Variants in WFIKKN1 observed in about 807,000 individuals in gnomAD.
The protein encoded by WFIKKN1 is WAP, Kazal, immunoglobulin, Kunitz and NTR domain-containing protein 1.
Under a neutral mutation model 4.6 loss-of-function variants are expected in WFIKKN1, and 6 were observed. The ratio of observed to expected loss-of-function variants is 1.31; its 90% CI spans 0.72 to 2.59. WFIKKN1 has a LOEUF of 2.59. Ranked by LOEUF, WFIKKN1 falls within the 30% of genes most tolerant of loss-of-function variation. The pLI is 0.00. For synonymous variants in WFIKKN1, 468 were observed against 367.4 expected (o/e 1.27, Z -3.13); for missense variants, 964 against 818.0 (o/e 1.18, Z -2.18).
chr16:631,575 C>T, intron 1 of WFIKKN1, 151 bp downstream of exon 1: 2 of 951,370 alleles, frequency 2.1e-6, no homozygotes, highest in South Asian at 2.0e-5. Context: ...CCCATCGTTG[C>T]CCTCATTTGT....
In WFIKKN1 at chr16:633,368, G is replaced by A; in HGVS notation, c.958G>A (p.Asp320Asn). ...CCCACACCTTGTCCTCTGGCACTAC[G>A]ACCCGCAGCGGGGCGGCTGCATGAC... ...TSPHLVLWHY[D>N]PQRGGCMTFP... The change falls in exon 2 of 2, where the codon GAC becomes AAC. Residue 320 changes from aspartate to asparagine, a missense_variant. Asp to Asn is a conservative substitution (Grantham distance 23). Coordinates refer to ENST00000319070, the MANE Select transcript of WFIKKN1 (RefSeq NM_053284.3). 6.4e-6 allele frequency: 10 copies of A among 1,570,176 alleles called. No homozygotes were observed. The highest frequency in any genetic ancestry group is 7.7e-6 in the Non-Finnish European group (9 of 1,165,142).
chr16:633,841 C>T lies in WFIKKN1; in HGVS notation c.1431C>T (p.Tyr477=), dbSNP rs1383523969. The part of the protein sequence containing the change: ...KMGLKFLGTK[Y]LEVTLSGMDW... The stretch of plus-strand genomic sequence containing the variant: ...GCCTCAAGTTCTTGGGCACCAAGTA[C>T]CTGGAGGTGACGCTGAGTGGCATGG... Residue 477 remains tyrosine (Y), a synonymous_variant, in exon 2 of 2, where the codon TAC becomes TAT. Coordinates refer to ENST00000319070, the MANE Select transcript of WFIKKN1 (RefSeq NM_053284.3). 5 of 1,600,646 alleles carry T rather than the reference C, an allele frequency of 3.1e-6. No individual in the cohort carries two copies. The South Asian group carries it at 4.5e-5, about 14-fold the overall frequency.
rs189970279 is a variant in WFIKKN1 at position 631,436 on chromosome 16, C to T, written c.171+12C>T. 1,025 of 1,600,784 alleles carry T rather than the reference C, an allele frequency of 6.4e-4. 20 individuals carry two copies. The South Asian group carries it at 8.7e-3, about 14-fold the overall frequency. ...GTAGCAGGGACCAGGTGAGTGTGGT[C>T]GGGCCGGGGTCCTGGGGCTCAGAGC... On this transcript the variant is annotated intron_variant, in intron 1 of 1. Coordinates refer to ENST00000319070, the MANE Select transcript of WFIKKN1 (RefSeq NM_053284.3).
At position 633,211 on chromosome 16, in the gene WFIKKN1, C is replaced by A; in HGVS notation, c.801C>A (p.Asn267Lys). 6.3e-7 allele frequency: 1 copy of A among 1,589,728 alleles called. No individual in the cohort carries two copies. The highest frequency in any genetic ancestry group is 1.3e-5 in the African/African-American group (1 of 74,190). ...GCCTGTACACCTGCACCGCGCGCAACGCTGCTGGGCTGCTGCGGGCTGACT... is the reference window on the plus strand; with the variant it reads ...GCCTGTACACCTGCACCGCGCGCAAAGCTGCTGGGCTGCTGCGGGCTGACT... The part of the protein sequence containing the change: ...DAGLYTCTAR[N>K]AAGLLRADFP... The change falls in exon 2 of 2, where the codon AAC becomes AAA. Residue 267 changes from asparagine to lysine, a missense_variant. Transcript: ENST00000319070.
rs1244099850 is a variant in WFIKKN1, at chr16:633,572, G to A, written c.1162G>A (p.Val388Met). 6.4e-6 allele frequency: 10 copies of A among 1,564,062 alleles called. No homozygotes were observed. Among genetic ancestry groups the A allele is most frequent in the African/African-American group, 1.4e-5 (1 of 72,098 alleles). The change falls in exon 2 of 2, where the codon GTG becomes ATG. Residue 388 changes from valine (V) to methionine (M), a missense_variant. Coordinates refer to ENST00000319070, the MANE Select transcript of WFIKKN1 (RefSeq NM_053284.3). Reference sequence around the variant, plus strand: ...GCTGCTGCAGCAGTGCCATCCCTTCGTGTACGGTGGCTGCGAGGGCAACGG... The same window carrying A: ...GCTGCTGCAGCAGTGCCATCCCTTCATGTACGGTGGCTGCGAGGGCAACGG... ...SPLLQQCHPF[V>M]YGGCEGNGNN...
rs1419875009 is a variant in WFIKKN1 at position 633,368 on chromosome 16, G to T, written c.958G>T (p.Asp320Tyr). Residue 320 changes from aspartate to tyrosine, a missense_variant, in exon 2 of 2, where the codon GAC becomes TAC. Physicochemically the swap from Asp to Tyr is radical, Grantham distance 160. Transcript: ENST00000319070. ...TSPHLVLWHY[D>Y]PQRGGCMTFP... The stretch of plus-strand genomic sequence containing the variant: ...CCCACACCTTGTCCTCTGGCACTAC[G>T]ACCCGCAGCGGGGCGGCTGCATGAC... The T allele has an allele frequency of 6.4e-7, 1 of 1,570,176 alleles. No individual in the cohort carries two copies. Among genetic ancestry groups the T allele is most frequent in the South Asian group, 1.2e-5 (1 of 86,448 alleles).
At position 631,066 on chromosome 16, in the gene WFIKKN1, C is replaced by T; in HGVS notation, c.-188C>T. ...GAGAACTTGGAGACCCCGTTACCCA[C>T]CCAGCAGGGGTGTCAGGACAAGCAT... On this transcript the variant is annotated 5_prime_UTR_variant, in exon 1 of 2. Transcript: ENST00000319070. 1.5e-6 allele frequency: 1 copy of T among 650,338 alleles called. No individual in the cohort carries two copies. Among genetic ancestry groups the T allele is most frequent in the East Asian group, 3.0e-5 (1 of 33,532 alleles). The allele number at this position is 650,338 out of a possible 1,614,324, so 40.3% of individuals were successfully genotyped here.
chr16:631,128 C>T lies in WFIKKN1; in HGVS notation c.-126C>T, dbSNP rs867006796. The T allele has an allele frequency of 8.7e-7, 1 of 1,143,044 alleles. No homozygotes were observed. The highest frequency in any genetic ancestry group is 1.2e-6 in the Non-Finnish European group (1 of 838,460). The allele number at this position is 1,143,044 out of a possible 1,614,324, so 70.8% of individuals were successfully genotyped here. ...TTCAGCCTCAGGGGCAAAAGGGAGC[C>T]CCGGGGTCCTGGTGGGGGCACCGAC... On this transcript the variant is annotated 5_prime_UTR_variant, in exon 1 of 2. Coordinates refer to ENST00000319070, the MANE Select transcript of WFIKKN1 (RefSeq NM_053284.3).
rs147137382 is a variant in WFIKKN1 at position 632,728 on chromosome 16, C to A, written c.318C>A (p.Asp106Glu). 6.2e-6 allele frequency: 10 copies of A among 1,610,706 alleles called. No individual in the cohort carries two copies. In the East Asian group the frequency reaches 2.0e-4, roughly 32 times the overall value. ...GCCCACAGCAGGGCTCGGACTGCGACATCTGGGACGGGCAGCCCGTGTGCC... is the reference window on the plus strand; with the variant it reads ...GCCCACAGCAGGGCTCGGACTGCGAAATCTGGGACGGGCAGCCCGTGTGCC... Reference protein sequence around the residue: ...FVCPQQGSDCDIWDGQPVCRC... With the variant: ...FVCPQQGSDCEIWDGQPVCRC... The change falls in exon 2 of 2, where the codon GAC becomes GAA. Residue 106 changes from aspartate to glutamate, a missense_variant. Asp to Glu is a conservative substitution (Grantham distance 45, BLOSUM62 2). Transcript: ENST00000319070.
rs1451267134 is a variant in WFIKKN1 at position 633,089 on chromosome 16, G to C, written c.679G>C (p.Glu227Gln). The C allele has an allele frequency of 1.5e-5, 24 of 1,612,216 alleles. No homozygotes were observed. The highest frequency in any genetic ancestry group is 2.0e-5 in the Non-Finnish European group (24 of 1,179,590). The change falls in exon 2 of 2, where the codon GAG becomes CAG. Residue 227 changes from glutamate to glutamine, a missense_variant. Physicochemically the swap from Glu to Gln is conservative, Grantham distance 29. Coordinates refer to ENST00000319070, the MANE Select transcript of WFIKKN1 (RefSeq NM_053284.3). ...VTWEKQSHQR[E>Q]NLIMRPDQMY... ...CTGGGAGAAGCAGAGTCACCAGCGAGAGAACCTGATCATGCGCCCTGATCA... is the reference window on the plus strand; with the variant it reads ...CTGGGAGAAGCAGAGTCACCAGCGACAGAACCTGATCATGCGCCCTGATCA...
Position 633,867 on chromosome 16 carries a change from A to T in WFIKKN1, c.1457A>T (p.Asp486Val). The T allele has an allele frequency of 6.3e-7, 1 of 1,595,702 alleles. No homozygotes were observed. The change falls in exon 2 of 2, where the codon GAC (aspartate) becomes GTC (valine). Residue 486 changes from aspartate (D) to valine (V), a missense_variant. Transcript: ENST00000319070. ...CTGGAGGTGACGCTGAGTGGCATGG[A>T]CTGGGCCTGCCCCTGCCCCAACATG... Reference protein sequence around the residue: ...KYLEVTLSGMDWACPCPNMTA... With the variant: ...KYLEVTLSGMVWACPCPNMTA...
rs2036942477 is a variant in WFIKKN1, at chr16:631,021, G to A, written c.-233G>A. On this transcript the variant is annotated 5_prime_UTR_variant, in exon 1 of 2. Transcript: ENST00000319070. ...CCAGGCTGAAGCTGGAGAGGAACCAGCGTCACACAGACGGCCTCTGAGAAC... is the reference window on the plus strand; with the variant it reads ...CCAGGCTGAAGCTGGAGAGGAACCAACGTCACACAGACGGCCTCTGAGAAC... 4 of 555,030 alleles carry A rather than the reference G, an allele frequency of 7.2e-6. No individual in the cohort carries two copies. Among genetic ancestry groups the A allele is most frequent in the Non-Finnish European group, 1.3e-5 (4 of 314,562 alleles). 34.4% of individuals were successfully genotyped at this position (555,030 alleles called of 1,614,324 possible). A position where few individuals can be genotyped will look rare whatever the true frequency, so the allele number is the denominator to read the frequency against.
Position 632,646 on chromosome 16 carries a change from G to A in WFIKKN1, c.236G>A (p.Arg79His), listed in dbSNP as rs1158527369. The change falls in exon 2 of 2, where the codon CGC becomes CAC. Residue 79 changes from arginine to histidine, a missense_variant. By Grantham distance (29) the Arg-to-His change is conservative (BLOSUM62 0). Transcript: ENST00000319070. The part of the protein sequence containing the change: ...VCGLHSCVAA[R>H]FPGSPAAPTT... ...GGACTGCACAGCTGCGTGGCAGCAC[G>A]CTTCCCCGGCAGCCCAGCTGCGCCG... 4.4e-6 allele frequency: 7 copies of A among 1,599,582 alleles called. No individual in the cohort carries two copies. The highest frequency in any genetic ancestry group is 1.7e-5 in the Admixed American group (1 of 58,616).
chr16:631,577 C>T, intron 1 of WFIKKN1, 153 bp downstream of exon 1: 5 of 928,132 alleles, frequency 5.4e-6, no homozygotes, highest in Non-Finnish European at 1.5e-6. Flanking sequence ...CATCGTTGCC[C>T]TCATTTGTCT....
rs751947744 is a variant in WFIKKN1 at position 633,595 on chromosome 16, C to T, written c.1185C>T (p.Asn395=). 2.8e-5 allele frequency: 44 copies of T among 1,571,958 alleles called. No homozygotes were observed. The African/African-American group carries it at 4.1e-4, about 15-fold the overall frequency. ...HPFVYGGCEG[N]GNNFHSRESC... Reference sequence around the variant, plus strand: ...TCGTGTACGGTGGCTGCGAGGGCAACGGCAACAACTTCCACAGCCGCGAGA... The same window carrying T: ...TCGTGTACGGTGGCTGCGAGGGCAATGGCAACAACTTCCACAGCCGCGAGA... The change falls in exon 2 of 2, where the codon AAC becomes AAT. Residue 395 remains asparagine, a synonymous_variant. Coordinates refer to ENST00000319070, the MANE Select transcript of WFIKKN1 (RefSeq NM_053284.3).
chr16:631,197 G>A lies in WFIKKN1; in HGVS notation c.-57G>A. 6.6e-7 allele frequency: 1 copy of A among 1,504,122 alleles called. No homozygotes were observed. The highest frequency in any genetic ancestry group is 8.9e-7 in the Non-Finnish European group (1 of 1,129,292). The allele number at this position is 1,504,122 out of a possible 1,614,324, so 93.2% of individuals were successfully genotyped here. A position where few individuals can be genotyped will look rare whatever the true frequency, so the allele number is the denominator to read the frequency against. The stretch of plus-strand genomic sequence containing the variant: ...ATGCCTGCAGGAAGCTGGGCTCTGT[G>A]GAGCCCGAGGAGGGGCTGGTGGCCA... On this transcript the variant is annotated 5_prime_UTR_variant, in exon 1 of 2. The change creates a premature stop within an existing upstream ORF in the 5' untranslated region. Coordinates refer to ENST00000319070, the MANE Select transcript of WFIKKN1 (RefSeq NM_053284.3).
Position 631,070 on chromosome 16 carries a change from G to A in WFIKKN1, c.-184G>A. 1.5e-6 allele frequency: 1 copy of A among 663,412 alleles called. No homozygotes were observed. The highest frequency in any genetic ancestry group is 2.5e-6 in the Non-Finnish European group (1 of 403,384). The allele number at this position is 663,412 out of a possible 1,614,324, so 41.1% of individuals were successfully genotyped here. Reference sequence around the variant, plus strand: ...ACTTGGAGACCCCGTTACCCACCCAGCAGGGGTGTCAGGACAAGCATCTGC... The same window carrying A: ...ACTTGGAGACCCCGTTACCCACCCAACAGGGGTGTCAGGACAAGCATCTGC... On this transcript the variant is annotated 5_prime_UTR_variant, in exon 1 of 2. Coordinates refer to ENST00000319070, the MANE Select transcript of WFIKKN1 (RefSeq NM_053284.3).
Position 633,015 on chromosome 16 carries a change from C to A in WFIKKN1, c.605C>A (p.Thr202Lys), listed in dbSNP as rs865864230. 2 of 1,606,752 alleles carry A rather than the reference C, an allele frequency of 1.2e-6. No homozygotes were observed. Among genetic ancestry groups the A allele is most frequent in the Non-Finnish European group, 1.7e-6 (2 of 1,176,798 alleles). ...PSPQAVQVGG[T>K]ASLHCDVSGR... is the part of the protein sequence containing the mutation. ...CCACAGGCGGTGCAGGTTGGGGGTACGGCCAGCCTCCACTGCGACGTCAGC... is the reference window on the plus strand; with the variant it reads ...CCACAGGCGGTGCAGGTTGGGGGTAAGGCCAGCCTCCACTGCGACGTCAGC... The change falls in exon 2 of 2, where the codon ACG becomes AAG. Residue 202 changes from threonine (T) to lysine (K), a missense_variant. Thr to Lys is a moderately conservative substitution (Grantham distance 78). Transcript: ENST00000319070.
At chr16:632,394 TA>T in intron 1 of WFIKKN1, 187 bp from the exon 2 acceptor site, 1 of 597,114 alleles carries the variant, frequency 1.7e-6, no homozygotes, top group Non-Finnish European at 2.6e-6. Flanking sequence ...TTCTGGAAGG[TA>T]AGCCAGGTGG....
Sources: gnomAD v4.1 joint callset for allele counts on GRCh38, gnomAD v4.1.1 for gene constraint, MANE v1.5 for transcripts, NCBI Gene and HGNC (gene_info 2026-07-23, HGNC 2026-07-21) for gene names.